The following POC1A variants were observed in gnomAD, a reference collection of about 807,000 sequenced individuals.
POC1A encodes POC1 centriolar protein A, also known as POC1 centriolar protein homolog A.
A neutral mutation model predicts 47.8 loss-of-function variants in POC1A; 34 were observed. That is an observed-to-expected ratio of 0.71 (90% CI 0.54 to 0.95). POC1A has a LOEUF of 0.95. POC1A is among the 40% of genes least tolerant of loss of function. POC1A has a pLI of 0.00. For synonymous variants in POC1A, 177 were observed against 207.6 expected, an observed-to-expected ratio of 0.85 and a Z score of 1.27; for missense variants, 466 against 528.3, an observed-to-expected ratio of 0.88 and a Z score of 1.16.
At chr3:52,086,196 C>A (rs1466607355) in intron 10 of POC1A, among the ~76,000 whole-genome samples, 2 of 152,124 alleles carry the variant, frequency 1.3e-5, no homozygotes, top group African/African-American at 4.8e-5. Context: ...GGTGTGGTCC[C>A]CACTGCTCTG....
chr3:52,081,280 G>A (rs1702271541), intron 10 of POC1A, among the ~76,000 whole-genome samples: 1 of 152,220 alleles, frequency 6.6e-6, no homozygotes, highest in African/African-American at 2.4e-5. Flanking sequence ...CAGGTTGACA[G>A]AGGCTGTATG....
chr3:52,091,231 G>T (rs537696836), intron 10 of POC1A, among the ~76,000 whole-genome samples: 1 of 152,056 alleles, frequency 6.6e-6, no homozygotes, highest in Non-Finnish European at 1.5e-5. Context: ...AGGGAGAGGC[G>T]TGCGATCTCT....
Position 52,145,817 on chromosome 3 carries a change from T to C in POC1A, c.679+29A>G, listed in dbSNP as rs146526945. ...CATCACAGTCCCACCAGGGCTGCCC[T>C]TGGGCCCAGGAGGCTGTTCACCACT... is the stretch of plus-strand genomic sequence containing the variant. On this transcript the variant is annotated intron_variant, in intron 6 of 10. Coordinates refer to ENST00000296484, the MANE Select transcript of POC1A (RefSeq NM_015426.5). 7,679 of 1,460,522 alleles carry C rather than the reference T, an allele frequency of 5.3e-3. 25 individuals carry two copies. The highest frequency in any genetic ancestry group is 7.5e-3 in the Middle Eastern group (43 of 5,728). The allele number at this position is 1,460,522 out of a possible 1,614,324, so 90.5% of individuals were successfully genotyped here. A position where few individuals can be genotyped will look rare whatever the true frequency, so the allele number is the denominator to read the frequency against.
intron 9 of POC1A, among the ~76,000 whole-genome samples, chr3:52,105,566 A>C (rs1397695581): frequency 6.6e-6 from 1 of 152,206 alleles, no homozygotes; most frequent in Non-Finnish European, 1.5e-5. Flanking sequence ...GTTTTCTCAA[A>C]TCAGAGCTCA....
chr3:52,076,409 C>T (rs895047381), intron 10 of POC1A, among the ~76,000 whole-genome samples: 1 of 152,222 alleles, frequency 6.6e-6, no homozygotes, highest in African/African-American at 2.4e-5. Flanking sequence ...ACCACCTCCA[C>T]TCCAGAGGTG....
At chr3:52,102,941 A>G (rs1477012579) in intron 9 of POC1A, among the ~76,000 whole-genome samples, 1 of 152,258 alleles carries the variant, frequency 6.6e-6, no homozygotes, top group African/African-American at 2.4e-5. Context: ...GAGGAATCAC[A>G]CTACATGATT....
intron 10 of POC1A, among the ~76,000 whole-genome samples, chr3:52,087,639 T>C (rs1702505894): frequency 6.6e-6 from 1 of 152,222 alleles, no homozygotes; most frequent in Non-Finnish European, 1.5e-5. Flanking sequence ...CTTGGCTATT[T>C]ACCTTGCTCA....
intron 10 of POC1A, among the ~76,000 whole-genome samples, chr3:52,076,267 G>A (rs1702113704): frequency 6.6e-6 from 1 of 152,204 alleles, no homozygotes; most frequent in South Asian, 2.1e-4. Flanking sequence ...ATAGCCTTTG[G>A]TCATTTCTCA....
At chr3:52,095,368 G>T (rs1387372785) in intron 10 of POC1A, among the ~76,000 whole-genome samples, 1 of 152,150 alleles carries the variant, frequency 6.6e-6, no homozygotes, top group East Asian at 1.9e-4. Context: ...GCTGGGCTAT[G>T]ATGACACACC....
chr3:52,096,842 G>A, intron 9 of POC1A, 130 bp from the exon 10 acceptor site: 1 of 788,714 alleles, frequency 1.3e-6, no homozygotes, highest in Non-Finnish European at 2.0e-6. Flanking sequence ...CCAAGTGTCA[G>A]TAAGAAACAG....
intron 9 of POC1A, among the ~76,000 whole-genome samples, chr3:52,117,783 A>C (rs1703621765): frequency 6.6e-6 from 1 of 152,064 alleles, no homozygotes; most frequent in African/African-American, 2.4e-5. Flanking sequence ...CCCATTGCAT[A>C]ATGGGCCCTC....
At chr3:52,076,346 A>C (rs569143577) in intron 10 of POC1A, among the ~76,000 whole-genome samples, 121 of 152,170 alleles carry the variant, frequency 8.0e-4, no homozygotes, top group African/African-American at 2.6e-3. Flanking sequence ...CTGCAGCAAA[A>C]CCAGTTTCCT....
chr3:52,135,439 A>G (rs1258882117), intron 7 of POC1A, among the ~76,000 whole-genome samples: 1 of 152,190 alleles, frequency 6.6e-6, no homozygotes, highest in Non-Finnish European at 1.5e-5. Flanking sequence ...GCTGGAGTAC[A>G]GTGGCACAAT....
chr3:52,081,499 G>A (rs530255625), intron 10 of POC1A, among the ~76,000 whole-genome samples: 21 of 151,958 alleles, frequency 1.4e-4, no homozygotes, highest in African/African-American at 4.8e-4. Context: ...CTGCACTGCT[G>A]GGACGGAGGG....
At chr3:52,137,663 C>G (rs1395654800) in intron 7 of POC1A, among the ~76,000 whole-genome samples, 1 of 152,142 alleles carries the variant, frequency 6.6e-6, no homozygotes, top group South Asian at 2.1e-4. Flanking sequence ...CTTTGAAGCT[C>G]ATTCAGAAAG....
At chr3:52,132,196 T>G (rs573455995) in intron 7 of POC1A, among the ~76,000 whole-genome samples, 5 of 152,050 alleles carry the variant, frequency 3.3e-5, no homozygotes, top group African/African-American at 4.8e-5. Context: ...AAAGTCAAGG[T>G]CTTGCCCAAT....
intron 9 of POC1A, among the ~76,000 whole-genome samples, chr3:52,096,984 G>T (rs1048987111): frequency 3.9e-5 from 6 of 152,234 alleles, no homozygotes; most frequent in Admixed American, 6.5e-5. Flanking sequence ...AGGTAGGCAG[G>T]CCAGTGAGTG....
At chr3:52,119,928 T>C (rs2107079902) in intron 9 of POC1A, among the ~76,000 whole-genome samples, 1 of 152,150 alleles carries the variant, frequency 6.6e-6, no homozygotes, top group South Asian at 2.1e-4. Flanking sequence ...CTCATCGGAC[T>C]CACAAGCTCC....
In POC1A at chr3:52,103,339, C is replaced by T. The variant is rs377505184; in HGVS notation, c.982-6627G>A. 3.3e-5 allele frequency among the ~76,000 whole-genome samples: 5 copies of T among 152,150 alleles called. No homozygotes were observed. In the East Asian group the frequency reaches 9.6e-4, roughly 29 times the overall value. ...GTCAAGAGTTTGAGACCAGCCTGGC[C>T]AAAATGGCAACACCACGTCTCTACT... On this transcript the variant is annotated intron_variant, in intron 9 of 10. Coordinates refer to ENST00000296484, the MANE Select transcript of POC1A (RefSeq NM_015426.5).
Sources: allele counts gnomAD v4.1 joint callset (sites outside exome capture counted in the v4.1 genomes callset), GRCh38; gene constraint gnomAD v4.1.1; transcripts MANE v1.5; gene names NCBI Gene and HGNC (gene_info 2026-07-23, HGNC 2026-07-21).